Variants in XPR1 observed in about 807,000 individuals in gnomAD.
XPR1 encodes the protein xenotropic and polytropic retrovirus receptor 1.
A neutral mutation model predicts 87.5 loss-of-function variants in XPR1; 28 were observed. That is an observed-to-expected ratio of 0.32 (90% CI 0.24 to 0.44). The LOEUF is 0.44. Among genes scored for constraint, XPR1 ranks in the 20% least tolerant of loss-of-function variants. The pLI, the probability that XPR1 is intolerant of heterozygous loss-of-function variation, is 1.00. For missense variants in XPR1, 559 were observed against 862.3 expected (o/e 0.65, Z 4.41); for synonymous variants, 300 against 306.1 (o/e 0.98, Z 0.21).
intron 2 of XPR1, among the ~76,000 whole-genome samples, chr1:180,765,185 GAGTA>G (rs1156695110): frequency 6.6e-6 from 1 of 152,186 alleles, no homozygotes; most frequent in Non-Finnish European, 1.5e-5. Flanking sequence ...TAAGTGCAGA[GAGTA>G]AGTGACTTGT....
At chr1:180,768,705 T>C (rs953029446) in intron 2 of XPR1, among the ~76,000 whole-genome samples, 1 of 152,224 alleles carries the variant, frequency 6.6e-6, no homozygotes, top group Non-Finnish European at 1.5e-5. Context: ...TAGCTGTAAA[T>C]TGTATAATAA....
At chr1:180,702,422 G>A (rs533221949) in intron 2 of XPR1, among the ~76,000 whole-genome samples, 77 of 151,396 alleles carry the variant, frequency 5.1e-4, no homozygotes, top group Middle Eastern at 6.8e-3. Context: ...TGTTGATTTG[G>A]GGTGGAGAGT....
At chr1:180,856,554 C>A (rs949355915) in intron 11 of XPR1, among the ~76,000 whole-genome samples, 22 of 152,142 alleles carry the variant, frequency 1.4e-4, no homozygotes, top group African/African-American at 4.8e-5. Context: ...GTCAACACGT[C>A]AAAAAATAAA....
chr1:180,775,496 C>T (rs1648679595), intron 2 of XPR1, among the ~76,000 whole-genome samples: 1 of 152,042 alleles, frequency 6.6e-6, no homozygotes, highest in Admixed American at 6.6e-5. Context: ...TTGGATTATC[C>T]TCAGATATCT....
chr1:180,820,563 GTGAAT>G, intron 7 of XPR1, among the ~76,000 whole-genome samples: 1 of 151,998 alleles, frequency 6.6e-6, no homozygotes, highest in Non-Finnish European at 1.5e-5. Flanking sequence ...TTTGGCTATT[GTGAAT>G]GGTACTGTTA....
intron 12 of XPR1, among the ~76,000 whole-genome samples, chr1:180,866,712 C>T (rs2102212021): frequency 6.6e-6 from 1 of 152,012 alleles, no homozygotes; most frequent in Non-Finnish European, 1.5e-5. Flanking sequence ...CATAATAATC[C>T]TCATTAAATT....
intron 3 of XPR1, among the ~76,000 whole-genome samples, chr1:180,802,948 A>G (rs1021265452): frequency 1.3e-5 from 2 of 152,220 alleles, no homozygotes; most frequent in Admixed American, 6.5e-5. Context: ...ATTGATGGAC[A>G]TTTGGATTGT....
chr1:180,800,990 C>T (rs1005188134), intron 3 of XPR1, among the ~76,000 whole-genome samples: 2 of 152,174 alleles, frequency 1.3e-5, no homozygotes, highest in African/African-American at 4.8e-5. Flanking sequence ...AAGCAATATT[C>T]TAGTAGGTTG....
intron 7 of XPR1, among the ~76,000 whole-genome samples, chr1:180,814,284 C>A (rs770038725): frequency 1.3e-5 from 2 of 152,120 alleles, no homozygotes; most frequent in Non-Finnish European, 2.9e-5. Context: ...TATGGTCAAT[C>A]CTGAGTTTAT....
intron 2 of XPR1, among the ~76,000 whole-genome samples, chr1:180,750,751 A>T (rs1647500269): frequency 6.6e-6 from 1 of 152,190 alleles, no homozygotes; most frequent in East Asian, 1.9e-4. Context: ...TAAATTTTTA[A>T]ATCTACTTGT....
intron 1 of XPR1, among the ~76,000 whole-genome samples, chr1:180,681,109 T>G (rs1656562973): frequency 6.6e-6 from 1 of 152,074 alleles, no homozygotes; most frequent in African/African-American, 2.4e-5. Flanking sequence ...GGATATAGAA[T>G]TACAGCTAGA....
At chr1:180,757,648 G>A (rs1647799935) in intron 2 of XPR1, among the ~76,000 whole-genome samples, 1 of 151,598 alleles carries the variant, frequency 6.6e-6, no homozygotes, top group Non-Finnish European at 1.5e-5. Flanking sequence ...TTTTGAGTAG[G>A]TAGGACTACA....
intron 3 of XPR1, among the ~76,000 whole-genome samples, chr1:180,800,055 C>T (rs998643677): frequency 6.6e-6 from 1 of 152,196 alleles, no homozygotes; most frequent in Admixed American, 6.5e-5. Context: ...ATAGCCCTTT[C>T]TTCATCATGT....
chr1:180,713,105 A>T (rs1657861942), intron 2 of XPR1, among the ~76,000 whole-genome samples: 1 of 151,996 alleles, frequency 6.6e-6, no homozygotes, highest in African/African-American at 2.4e-5. Context: ...TGACATCTTA[A>T]TATTTAATCT....
intron 7 of XPR1, among the ~76,000 whole-genome samples, chr1:180,815,454 A>G (rs1352603182): frequency 6.6e-6 from 1 of 152,182 alleles, no homozygotes; most frequent in Non-Finnish European, 1.5e-5. Context: ...GCGGGTGCTT[A>G]AAAGATAACA....
chr1:180,728,794 T>G (rs57076921), intron 2 of XPR1, among the ~76,000 whole-genome samples: 3,668 of 152,322 alleles, frequency 0.024, 150 homozygotes, highest in African/African-American at 0.082. Context: ...CCCTAATTTC[T>G]TAGAAACATG....
intron 1 of XPR1, among the ~76,000 whole-genome samples, chr1:180,666,452 A>G (rs895577728): frequency 3.3e-5 from 5 of 152,092 alleles, no homozygotes; most frequent in Admixed American, 1.3e-4. Flanking sequence ...TTTGTCTTTC[A>G]TTTCTTTCAG....
At chr1:180,848,800 TAATAA>T (rs1304961219) in intron 11 of XPR1, among the ~76,000 whole-genome samples, 1 of 152,140 alleles carries the variant, frequency 6.6e-6, no homozygotes, top group African/African-American at 2.4e-5. Flanking sequence ...TAAAAAGTCT[TAATAA>T]AATGTTTGCA....
At chr1:180,828,264 G>A (rs1395846704) in intron 9 of XPR1, among the ~76,000 whole-genome samples, 1 of 151,940 alleles carries the variant, frequency 6.6e-6, no homozygotes, top group African/African-American at 2.4e-5. Flanking sequence ...TGGAATCTAT[G>A]GAATTGATAT....
Sources: allele counts gnomAD v4.1 joint callset (sites outside exome capture counted in the v4.1 genomes callset), GRCh38; gene constraint gnomAD v4.1.1; transcripts MANE v1.5; gene names NCBI Gene and HGNC (gene_info 2026-07-23, HGNC 2026-07-21).